The following ANKRD30BL variants were observed in gnomAD, a reference collection of about 807,000 sequenced individuals.
ANKRD30BL encodes the protein putative ankyrin repeat domain-containing protein 30B-like.
ANKRD30BL carries 20 observed loss-of-function variants against 18.4 expected under a neutral mutation model. The observed-to-expected ratio is 1.09, with a 90% CI of 0.77 to 1.58. The LOEUF (loss-of-function observed/expected upper bound fraction) is 1.58, where lower values mean the gene tolerates loss of function less well. Among genes scored for constraint, ANKRD30BL ranks in the 40% most tolerant of loss-of-function variants. ANKRD30BL has a pLI of 0.00. For missense variants in ANKRD30BL, 224 were observed against 268.6 expected (o/e 0.83, Z 1.16); for synonymous variants, 72 against 100.9 (o/e 0.71, Z 1.72).
chr2:132,235,186 T>A (rs1680121038), intron 1 of ANKRD30BL, among the ~76,000 whole-genome samples: 1 of 152,024 alleles, frequency 6.6e-6, no homozygotes, highest in South Asian at 2.1e-4. Flanking sequence ...TGGGACATAT[T>A]TCAAAATAAT....
At chr2:132,175,288 G>A (rs376674615) in intron 1 of ANKRD30BL, among the ~76,000 whole-genome samples, 138 of 151,972 alleles carry the variant, frequency 9.1e-4, no homozygotes, top group South Asian at 4.2e-3. Flanking sequence ...CATGTGAGCA[G>A]AAGAATCTGT....
At chr2:132,239,017 C>T (rs1266750103) in intron 1 of ANKRD30BL, among the ~76,000 whole-genome samples, 1 of 152,076 alleles carries the variant, frequency 6.6e-6, no homozygotes, top group Admixed American at 6.6e-5. Flanking sequence ...TTGCATTCAA[C>T]TCACACTGTT....
At chr2:132,162,154 C>A, upstream of ANKRD30BL, among the ~76,000 whole-genome samples, 1 of 152,076 alleles carries the variant, frequency 6.6e-6, no homozygotes, top group East Asian at 1.9e-4. Context: ...CCCTCCTCAA[C>A]CTGAGATCCA....
chr2:132,165,799 A>G (rs958768905), upstream of ANKRD30BL, among the ~76,000 whole-genome samples: 26 of 150,234 alleles, frequency 1.7e-4, no homozygotes, highest in African/African-American at 6.1e-4. Flanking sequence ...TATAGCAACT[A>G]TGGGCATAAG....
At chr2:132,190,614 C>A (rs544627894) in intron 1 of ANKRD30BL, among the ~76,000 whole-genome samples, 1 of 152,014 alleles carries the variant, frequency 6.6e-6, no homozygotes, top group African/African-American at 2.4e-5. Context: ...ACATTATAGA[C>A]TATACATGAC....
chr2:132,154,781 A>T lies in ANKRD30BL; in HGVS notation c.508-13T>A, dbSNP rs564190930. On this transcript the variant is annotated splice_polypyrimidine_tract_variant and intron_variant, in intron 3 of 5. Coordinates refer to ENST00000409867, the MANE Select transcript of ANKRD30BL (RefSeq NM_001358416.1). ...GTGTGTGGCCAGCCTGTAAAACAGC[A>T]AAAACAATTTATAATTCATGAAATT... 401 of 685,212 alleles carry T rather than the reference A, an allele frequency of 5.9e-4. No homozygotes were observed. The African/African-American group carries it at 6.5e-3, about 11-fold the overall frequency. 42.4% of individuals were successfully genotyped at this position (685,212 alleles called of 1,614,324 possible).
At chr2:132,209,345 C>T (rs1296520767) in intron 1 of ANKRD30BL, among the ~76,000 whole-genome samples, 1 of 151,940 alleles carries the variant, frequency 6.6e-6, no homozygotes, top group Non-Finnish European at 1.5e-5. Flanking sequence ...GAAATATCTT[C>T]CCTTAAAAAC....
chr2:132,185,427 A>T (rs1394179899), intron 1 of ANKRD30BL, among the ~76,000 whole-genome samples: 2 of 152,126 alleles, frequency 1.3e-5, no homozygotes, highest in Admixed American at 1.3e-4. Context: ...TTTCTCCCCC[A>T]GTATTTTTCT....
chr2:132,202,301 A>G (rs985673284), intron 1 of ANKRD30BL, among the ~76,000 whole-genome samples: 1 of 152,138 alleles, frequency 6.6e-6, no homozygotes, highest in African/African-American at 2.4e-5. Context: ...TAATAAACAT[A>G]AAAAAGTACA....
intron 1 of ANKRD30BL, among the ~76,000 whole-genome samples, chr2:132,234,420 CA>C (rs1419459878): frequency 1.3e-5 from 2 of 151,284 alleles, no homozygotes; most frequent in African/African-American, 2.4e-5. Flanking sequence ...AAAGGATCAA[CA>C]AAATTGATAG....
At chr2:132,221,463 G>A (rs1191032890) in intron 1 of ANKRD30BL, among the ~76,000 whole-genome samples, 3 of 127,954 alleles carry the variant, frequency 2.3e-5, no homozygotes, top group African/African-American at 7.1e-5. Flanking sequence ...TCCGGGAGGT[G>A]AGGGGCGCCT....
chr2:132,165,420 G>A (rs4389369), upstream of ANKRD30BL, among the ~76,000 whole-genome samples: 21,618 of 148,200 alleles, frequency 0.15, 1,738 homozygotes, highest in Admixed American at 0.23. Context: ...GCAGCCAGGC[G>A]CGGTGGCTCA....
intron 3 of ANKRD30BL, chr2:132,156,372 T>C (rs1039402915): frequency 6.6e-6 from 1 of 152,146 alleles, no homozygotes; most frequent in African/African-American, 2.4e-5. Flanking sequence ...CTATATATTA[T>C]AAACACCTAT....
intron 1 of ANKRD30BL, among the ~76,000 whole-genome samples, chr2:132,171,016 C>T (rs1413418196): frequency 6.6e-6 from 1 of 151,928 alleles, no homozygotes; most frequent in Non-Finnish European, 1.5e-5. Flanking sequence ...ATTAGCCGGG[C>T]GTGGTGGCGG....
chr2:132,173,400 T>C (rs1270622828), intron 1 of ANKRD30BL, among the ~76,000 whole-genome samples: 1 of 151,198 alleles, frequency 6.6e-6, no homozygotes, highest in Non-Finnish European at 1.5e-5. Context: ...CCTGGGTTCA[T>C]GCCATTCTCC....
chr2:132,167,335 AT>A (rs1181976901), intron 1 of ANKRD30BL, among the ~76,000 whole-genome samples: 4 of 132,124 alleles, frequency 3.0e-5, no homozygotes, highest in Non-Finnish European at 6.5e-5. Context: ...ATTTTATTTT[AT>A]TTTATTTTGA....
At chr2:132,257,214 C>T in intron 1 of ANKRD30BL, 1 of 403,700 alleles carries the variant, frequency 2.5e-6, no homozygotes, top group Admixed American at 3.0e-5. Context: ...AGGAGACCGG[C>T]ATGCCCCCCA....
At chr2:132,254,115 C>T (rs965897646) in intron 1 of ANKRD30BL, among the ~76,000 whole-genome samples, 2 of 151,776 alleles carry the variant, frequency 1.3e-5, no homozygotes, top group Non-Finnish European at 2.9e-5. Context: ...CCCCACTGCT[C>T]ACCAGGCTGC....
In ANKRD30BL at chr2:132,148,009, G is replaced by C; in HGVS notation, c.*122C>G. The C allele has an allele frequency of 1.4e-6, 1 of 731,000 alleles. No individual in the cohort carries two copies. The highest frequency in any genetic ancestry group is 2.4e-6 in the Non-Finnish European group (1 of 421,552). The allele number at this position is 731,000 out of a possible 1,614,324, so 45.3% of individuals were successfully genotyped here. ...ACGGAGAACAAAGAACAGAGAAGCT[G>C]AACATACTGACATATTTGTTCTTTG... is the stretch of plus-strand genomic sequence containing the variant. On this transcript the variant is annotated 3_prime_UTR_variant, in exon 6 of 6. Coordinates refer to ENST00000409867, the MANE Select transcript of ANKRD30BL (RefSeq NM_001358416.1).
Sources: allele counts gnomAD v4.1 joint callset (sites outside exome capture counted in the v4.1 genomes callset), GRCh38; gene constraint gnomAD v4.1.1; transcripts MANE v1.5; gene names NCBI Gene and HGNC (gene_info 2026-07-23, HGNC 2026-07-21).